MYLK: variants seen among roughly 807,000 people sequenced by gnomAD.
MYLK encodes the protein myosin light chain kinase, smooth muscle.
In MYLK, 106 loss-of-function variants were observed where a neutral mutation model predicts 203.4. The observed-to-expected ratio is 0.52, with a 90% CI of 0.45 to 0.61. The LOEUF (loss-of-function observed/expected upper bound fraction) is 0.61. Among genes scored for constraint, MYLK ranks in the 20% least tolerant of loss-of-function variants. The pLI is 0.00. For synonymous variants in MYLK, 867 were observed against 959.5 expected, an observed-to-expected ratio of 0.90 and a Z score of 1.78; for missense variants, 2,072 against 2,442.3, an observed-to-expected ratio of 0.85 and a Z score of 3.20.
At chr3:123,690,954 T>C (rs368091804) in intron 19 of MYLK, among the ~76,000 whole-genome samples, 44 of 151,914 alleles carry the variant, frequency 2.9e-4, no homozygotes, top group African/African-American at 1.0e-3. Flanking sequence ...GCAGAATGAA[T>C]TCCCCAAACC....
chr3:123,668,640 G>A (rs937666993), intron 20 of MYLK, among the ~76,000 whole-genome samples: 2 of 152,040 alleles, frequency 1.3e-5, no homozygotes, highest in Non-Finnish European at 2.9e-5. Flanking sequence ...CAAAGAGGGT[G>A]AAGTTCACTG....
intron 4 of MYLK, among the ~76,000 whole-genome samples, chr3:123,781,507 G>T (rs2064297506): frequency 6.6e-6 from 1 of 152,164 alleles, no homozygotes; most frequent in African/African-American, 2.4e-5. Context: ...ATGGGAGAGG[G>T]GGTAACTAGC....
At chr3:123,830,015 T>G (rs747539411) in intron 3 of MYLK, among the ~76,000 whole-genome samples, 3 of 152,182 alleles carry the variant, frequency 2.0e-5, no homozygotes, top group Non-Finnish European at 4.4e-5. Flanking sequence ...TCACTGCAAA[T>G]GTTCCCGTCA....
At chr3:123,618,920 G>T in intron 32 of MYLK, 150 bp from the exon 33 acceptor site, 1 of 1,060,696 alleles carries the variant, frequency 9.4e-7, no homozygotes, top group Non-Finnish European at 1.4e-6. Context: ...CTTTCTCCTG[G>T]GGACAGGTTG....
chr3:123,701,373 C>T, intron 17 of MYLK, 65 bp downstream of exon 17: 2 of 1,539,024 alleles, frequency 1.3e-6, no homozygotes, highest in South Asian at 1.1e-5. Context: ...GCTGGAGCTG[C>T]CGGGGCCAGG....
intron 3 of MYLK, among the ~76,000 whole-genome samples, chr3:123,818,414 C>T (rs2065816393): frequency 6.6e-6 from 1 of 152,076 alleles, no homozygotes; most frequent in African/African-American, 2.4e-5. Flanking sequence ...GAAGAAAGAA[C>T]ACAACCACAG....
At chr3:123,680,626 C>A (rs1339485335) in intron 20 of MYLK, among the ~76,000 whole-genome samples, 1 of 152,222 alleles carries the variant, frequency 6.6e-6, no homozygotes, top group Non-Finnish European at 1.5e-5. Context: ...ATTCCAATTT[C>A]TCTGCCCCAA....
At chr3:123,628,086 T>C (rs1443142670) in intron 30 of MYLK, among the ~76,000 whole-genome samples, 1 of 152,204 alleles carries the variant, frequency 6.6e-6, no homozygotes, top group Non-Finnish European at 1.5e-5. Context: ...GAATTTAGAC[T>C]TCCCACAGTA....
At chr3:123,752,684 C>T (rs2063238851) in intron 4 of MYLK, 146 bp from the exon 5 acceptor site, 1 of 946,316 alleles carries the variant, frequency 1.1e-6, no homozygotes, top group East Asian at 2.6e-5. Context: ...ATAAGGAAAT[C>T]AAGGTACAGA....
At chr3:123,686,432 G>GCATGA (rs2060460564) in intron 19 of MYLK, among the ~76,000 whole-genome samples, 1 of 151,964 alleles carries the variant, frequency 6.6e-6, no homozygotes, top group South Asian at 2.1e-4. Flanking sequence ...CACGCAGGGG[G>GCATGA]CATGAGGTCT....
Position 123,641,742 on chromosome 3 carries a change from CTCCCTCCGTCCCTCTCT to C in MYLK, c.4620-1255_4620-1239del, listed in dbSNP as rs1294754738. On this transcript the variant is annotated intron_variant, in intron 27 of 33. Coordinates refer to ENST00000360304, the MANE Select transcript of MYLK (RefSeq NM_053025.4). The stretch of plus-strand genomic sequence containing the variant: ...CCTTCCTTCTGTCCTGCCTGCCTTC[CTCCCTCCGTCCCTCTCT>C]TCCCTCCCTCCCTCTCTTCCCTCCC... Among the ~76,000 whole-genome samples the C allele has an allele frequency of 1.1e-3, 169 of 147,104 alleles. 2 individuals carry two copies. Among genetic ancestry groups the C allele is most frequent in the African/African-American group, 3.5e-3 (129 of 37,286 alleles).
intron 1 of MYLK, among the ~76,000 whole-genome samples, chr3:123,883,920 C>G (rs2033693974): frequency 1.3e-5 from 2 of 152,114 alleles, no homozygotes; most frequent in Admixed American, 6.6e-5. Flanking sequence ...CGCTTCTCCT[C>G]CGCCCCTCAA....
At chr3:123,734,912 T>C in intron 9 of MYLK, 1 of 240,188 alleles carries the variant, frequency 4.2e-6, no homozygotes, top group South Asian at 6.3e-5. Flanking sequence ...TTCTAATCAG[T>C]GCCTTCCTGT....
intron 4 of MYLK, among the ~76,000 whole-genome samples, chr3:123,755,660 C>G (rs1425896067): frequency 3.9e-5 from 6 of 152,100 alleles, no homozygotes; most frequent in Non-Finnish European, 8.8e-5. Flanking sequence ...AAGGAATAAG[C>G]CTGGGTTCAC....
At chr3:123,820,543 T>C (rs1216776106) in intron 3 of MYLK, among the ~76,000 whole-genome samples, 1 of 152,090 alleles carries the variant, frequency 6.6e-6, no homozygotes, top group East Asian at 1.9e-4. Context: ...AGATCGAGGA[T>C]TTGTGTGCAT....
intron 4 of MYLK, among the ~76,000 whole-genome samples, chr3:123,753,117 G>A (rs1347745565): frequency 6.6e-6 from 1 of 152,178 alleles, no homozygotes; most frequent in South Asian, 2.1e-4. Flanking sequence ...CACAGGTAGC[G>A]ATGGAGCACT....
intron 16 of MYLK, 90 bp downstream of exon 16, chr3:123,707,664 G>A: frequency 6.2e-7 from 1 of 1,602,994 alleles, no homozygotes; most frequent in Non-Finnish European, 8.5e-7. Flanking sequence ...ACATCAGTTT[G>A]TGCTTCTTCT....
chr3:123,785,261 T>G (rs1393210691), intron 4 of MYLK, among the ~76,000 whole-genome samples: 2 of 152,242 alleles, frequency 1.3e-5, no homozygotes, highest in African/African-American at 4.8e-5. Flanking sequence ...GTCATATTTG[T>G]CAGGAAGGGA....
At chr3:123,881,862 G>A (rs2033567302) in intron 1 of MYLK, among the ~76,000 whole-genome samples, 1 of 152,074 alleles carries the variant, frequency 6.6e-6, no homozygotes, top group African/African-American at 2.4e-5. Flanking sequence ...GAACTCAAAG[G>A]CCTCTCCCCT....
Sources: allele counts gnomAD v4.1 joint callset (sites outside exome capture counted in the v4.1 genomes callset), GRCh38; gene constraint gnomAD v4.1.1; transcripts MANE v1.5; gene names NCBI Gene and HGNC (gene_info 2026-07-23, HGNC 2026-07-21).